The following BCHE variants were observed in gnomAD, a reference collection of about 807,000 sequenced individuals.
BCHE encodes butyrylcholinesterase, also known as cholinesterase.
BCHE carries 48 observed loss-of-function variants against 51.3 expected under a neutral mutation model. That is an observed-to-expected ratio of 0.94 (90% CI 0.74 to 1.19). The LOEUF (loss-of-function observed/expected upper bound fraction) is 1.19, where lower values mean the gene tolerates loss of function less well. Among genes scored for constraint, BCHE ranks in the 50% most tolerant of loss-of-function variants. The pLI is 0.00. For synonymous variants in BCHE, 251 were observed against 238.0 expected (o/e 1.05, Z -0.50); for missense variants, 847 against 708.2 (o/e 1.20, Z -2.23).
intron 2 of BCHE, among the ~76,000 whole-genome samples, chr3:165,795,164 A>G (rs1203263760): frequency 6.6e-6 from 1 of 152,216 alleles, no homozygotes; most frequent in Non-Finnish European, 1.5e-5. Flanking sequence ...AATGTCTTGT[A>G]AATATTAATC....
chr3:165,812,939 C>A (rs1172570546), intron 2 of BCHE, among the ~76,000 whole-genome samples: 1 of 151,856 alleles, frequency 6.6e-6, no homozygotes, highest in African/African-American at 2.4e-5. Context: ...TCTCTGTGTC[C>A]TCATTGAAAG....
rs752133294 is a variant in BCHE at position 165,830,512 on chromosome 3, A to G, written c.522T>C (p.Tyr174=). The change falls in exon 2 of 4, where the codon TAT becomes TAC. Residue 174 remains tyrosine, a synonymous_variant. Coordinates refer to ENST00000264381, the MANE Select transcript of BCHE (RefSeq NM_000055.4). ...VERVIVVSMN[Y]RVGALGFLAL... ...CTAAGAATCCTAGGGCACCCACCCTATAGTTCATTGACACTACAATAACTC... is the reference window on the plus strand; with the variant it reads ...CTAAGAATCCTAGGGCACCCACCCTGTAGTTCATTGACACTACAATAACTC... 1 of 1,613,928 alleles carries G rather than the reference A, an allele frequency of 6.2e-7. No individual in the cohort carries two copies.
At chr3:165,817,623 A>G (rs1444968805) in intron 2 of BCHE, among the ~76,000 whole-genome samples, 4 of 151,874 alleles carry the variant, frequency 2.6e-5, no homozygotes. Flanking sequence ...TATTCACATG[A>G]TTTACTCTGT....
chr3:165,819,587 C>A (rs994665426), intron 2 of BCHE, among the ~76,000 whole-genome samples: 2 of 152,028 alleles, frequency 1.3e-5, no homozygotes, highest in Admixed American at 6.6e-5. Flanking sequence ...GTGTTAACCA[C>A]AAAATAGTTT....
intron 1 of BCHE, among the ~76,000 whole-genome samples, chr3:165,834,316 T>A (rs1278562035): frequency 2.0e-5 from 3 of 152,060 alleles, no homozygotes; most frequent in Admixed American, 6.6e-5. Context: ...AAATCTTTAA[T>A]TTTTCGATAA....
At chr3:165,781,632 C>G (rs1466407132) in intron 3 of BCHE, among the ~76,000 whole-genome samples, 1 of 152,014 alleles carries the variant, frequency 6.6e-6, no homozygotes, top group Non-Finnish European at 1.5e-5. Flanking sequence ...GGACATATAG[C>G]TAGTGCATGC....
intron 2 of BCHE, among the ~76,000 whole-genome samples, chr3:165,791,343 A>G (rs1713157131): frequency 6.6e-6 from 1 of 152,068 alleles, no homozygotes; most frequent in South Asian, 2.1e-4. Flanking sequence ...CATTGTTTAA[A>G]AGATCATCTG....
chr3:165,810,628 C>T (rs138834667), intron 2 of BCHE, among the ~76,000 whole-genome samples: 1 of 152,102 alleles, frequency 6.6e-6, no homozygotes, highest in Admixed American at 6.6e-5. Context: ...CACTAGTCGA[C>T]GTGCTGCTGG....
intron 1 of BCHE, among the ~76,000 whole-genome samples, chr3:165,834,938 G>A (rs1715138185): frequency 6.6e-6 from 1 of 151,762 alleles, no homozygotes; most frequent in South Asian, 2.1e-4. Context: ...TCATAAAAAT[G>A]GGGCACATTT....
In BCHE at chr3:165,829,725, A is replaced by G. The variant is rs1714875251; in HGVS notation, c.1309T>C (p.Phe437Leu). ...AAGGCATTATTTCCCCATTCTGAGA[A>G]CTTCTTGGTGAACTCCAAGGCAGGG... ...ICPALEFTKKFSEWGNNAFFY... is the reference protein window; with the variant it reads ...ICPALEFTKKLSEWGNNAFFY... The change falls in exon 2 of 4, where the codon TTC becomes CTC. Residue 437 changes from phenylalanine (F) to leucine (L), a missense_variant. Transcript: ENST00000264381. 1 of 1,613,828 alleles carries G rather than the reference A, an allele frequency of 6.2e-7. No homozygotes were observed. Among genetic ancestry groups the G allele is most frequent in the South Asian group, 1.1e-5 (1 of 91,074 alleles).
intron 2 of BCHE, among the ~76,000 whole-genome samples, chr3:165,787,279 A>T (rs1215944602): frequency 6.6e-6 from 1 of 151,624 alleles, no homozygotes; most frequent in Non-Finnish European, 1.5e-5. Context: ...AGAGATTTTT[A>T]AAAGTGGCTC....
chr3:165,815,407 C>T (rs1441005654), intron 2 of BCHE, among the ~76,000 whole-genome samples: 1 of 152,034 alleles, frequency 6.6e-6, no homozygotes, highest in African/African-American at 2.4e-5. Context: ...CCGGTTTTCA[C>T]TGATAGCTGT....
chr3:165,820,061 A>G (rs1714454797), intron 2 of BCHE, among the ~76,000 whole-genome samples: 1 of 152,172 alleles, frequency 6.6e-6, no homozygotes, highest in Non-Finnish European at 1.5e-5. Flanking sequence ...AATCGATCCT[A>G]TAAATGAGAT....
chr3:165,826,938 C>T (rs894761313), intron 2 of BCHE, among the ~76,000 whole-genome samples: 1 of 151,996 alleles, frequency 6.6e-6, no homozygotes, highest in African/African-American at 2.4e-5. Flanking sequence ...TCATCTGTTT[C>T]CCTAGTACTG....
intron 2 of BCHE, among the ~76,000 whole-genome samples, chr3:165,812,184 G>C (rs1714126454): frequency 6.6e-6 from 1 of 151,458 alleles, no homozygotes; most frequent in South Asian, 2.1e-4. Context: ...ATCAGTAGCT[G>C]AACAGTTTGG....
At chr3:165,809,890 A>G (rs1344022982) in intron 2 of BCHE, among the ~76,000 whole-genome samples, 1 of 152,158 alleles carries the variant, frequency 6.6e-6, no homozygotes, top group African/African-American at 2.4e-5. Context: ...TTTAAAAAGT[A>G]TTATCATACT....
intron 2 of BCHE, among the ~76,000 whole-genome samples, chr3:165,820,821 G>T (rs1338634346): frequency 3.3e-5 from 5 of 151,922 alleles, no homozygotes; most frequent in Admixed American, 2.6e-4. Flanking sequence ...AACCAAGCAG[G>T]TATAAGCATG....
intron 3 of BCHE, among the ~76,000 whole-genome samples, chr3:165,784,094 T>C (rs1339044387): frequency 6.6e-6 from 1 of 152,028 alleles, no homozygotes; most frequent in Non-Finnish European, 1.5e-5. Context: ...TAGTAGTTAT[T>C]CTTTGAAATT....
intron 2 of BCHE, among the ~76,000 whole-genome samples, chr3:165,813,142 G>A (rs115790699): frequency 1.3e-5 from 2 of 151,714 alleles, no homozygotes; most frequent in Admixed American, 1.3e-4. Flanking sequence ...AGCAAGAGAA[G>A]TTGCAAAATT....
Sources: allele counts gnomAD v4.1 joint callset (sites outside exome capture counted in the v4.1 genomes callset), GRCh38; gene constraint gnomAD v4.1.1; transcripts MANE v1.5; gene names NCBI Gene and HGNC (gene_info 2026-07-23, HGNC 2026-07-21).